Variants in RPS29 observed in about 807,000 individuals in gnomAD.
The protein encoded by RPS29 is small ribosomal subunit protein uS14.
For synonymous variants in RPS29, 37 were observed against 26.9 expected (o/e 1.37, Z -1.16); for missense variants, 60 against 75.7 (o/e 0.79, Z 0.77).
At chr14:49,591,982 G>A (rs1031147994) in intron 1 of RPS29, among the ~76,000 whole-genome samples, 20 of 152,090 alleles carry the variant, frequency 1.3e-4, no homozygotes, top group Admixed American at 3.3e-4. Context: ...GAGACAGAGC[G>A]TATTTTCCTA....
chr14:49,578,595 C>G (rs1174665455), downstream of RPS29, among the ~76,000 whole-genome samples: 2 of 113,106 alleles, frequency 1.8e-5, no homozygotes, highest in Non-Finnish European at 3.4e-5. Context: ...GGGTCTCACT[C>G]TGTCTCCCAG....
chr14:49,578,540 A>G (rs1317452875), intron 2 of RPS29, among the ~76,000 whole-genome samples: 4 of 144,492 alleles, frequency 2.8e-5, no homozygotes, highest in Non-Finnish European at 4.5e-5. Context: ...TAGACTACCA[A>G]TATTTACCAA....
In RPS29 at chr14:49,583,608, G is replaced by A; in HGVS notation, c.*59C>T. 1 of 1,559,864 alleles carries A rather than the reference G, an allele frequency of 6.4e-7. No individual in the cohort carries two copies. The highest frequency in any genetic ancestry group is 8.7e-7 in the Non-Finnish European group (1 of 1,154,512). On this transcript the variant is annotated 3_prime_UTR_variant, in exon 3 of 3. Transcript: ENST00000245458. ...TTCAAATGTTTATTTTATATACAAA[G>A]AATTATCATGGTTTTTCATTGAGTA...
exon 1 of RPS29, chr14:49,598,597 G>A (rs1881895132): frequency 4.3e-6 from 3 of 701,764 alleles, no homozygotes; most frequent in African/African-American, 1.7e-5. Flanking sequence ...GTAACGCAGA[G>A]GCACACCTGC....
chr14:49,587,687 C>T (rs796250077), upstream of RPS29, among the ~76,000 whole-genome samples: 4 of 152,354 alleles, frequency 2.6e-5, no homozygotes, highest in East Asian at 5.8e-4. Flanking sequence ...AAGACTTCAA[C>T]ATACAACGTT....
At chr14:49,593,039 ATT>A (rs1454841368) in intron 1 of RPS29, among the ~76,000 whole-genome samples, 1 of 152,176 alleles carries the variant, frequency 6.6e-6, no homozygotes, top group East Asian at 1.9e-4. Context: ...ACCACCTAAA[ATT>A]TATGTCACTG....
Position 49,598,500 on chromosome 14 carries a change from C to A in RPS29, c.-233G>T, listed in dbSNP as rs563268931. The A allele has an allele frequency of 4.6e-5, 32 of 702,422 alleles. No homozygotes were observed. In the Admixed American group the frequency reaches 5.6e-4, roughly 12 times the overall value. The allele number at this position is 702,422 out of a possible 1,614,324, so 43.5% of individuals were successfully genotyped here. A position where few individuals can be genotyped will look rare whatever the true frequency, so the allele number is the denominator to read the frequency against. ...CAGGTGTGCCTCCGGAGAGCAGCCA[C>A]CAAAACCACCAGCAGCCCGTCCGCG... On this transcript the variant is annotated 5_prime_UTR_variant, in exon 1 of 4. Coordinates refer to the RPS29 transcript ENST00000556230.
intron 1 of RPS29, chr14:49,598,258 C>G (rs1881881266): frequency 1.7e-6 from 1 of 593,574 alleles, no homozygotes; most frequent in South Asian, 2.0e-5. Context: ...AACATTTGCT[C>G]CCCAGGCGCT....
At chr14:49,593,686 C>CT (rs2139522063) in intron 1 of RPS29, among the ~76,000 whole-genome samples, 1 of 44,616 alleles carries the variant, frequency 2.2e-5, no homozygotes, top group African/African-American at 7.5e-5. Context: ...GAGCAAGACT[C>CT]TGTCTCAAAA....
chr14:49,582,723 T>C (rs76004837), downstream of RPS29, among the ~76,000 whole-genome samples: 29 of 152,346 alleles, frequency 1.9e-4, 1 homozygote, highest in East Asian at 5.4e-3. Flanking sequence ...GCACAGGGTA[T>C]ACCCTAACAA....
At chr14:49,577,942 G>T in intron 2 of RPS29, 1 of 881,154 alleles carries the variant, frequency 1.1e-6, no homozygotes, top group Admixed American at 2.1e-5. Context: ...CCTGCCCTGT[G>T]AAACATGTTA....
chr14:49,591,361 G>A (rs901037244), upstream of RPS29, among the ~76,000 whole-genome samples: 7 of 152,024 alleles, frequency 4.6e-5, no homozygotes, highest in Non-Finnish European at 1.0e-4. Flanking sequence ...GAGGGCAATG[G>A]TGCAGTGCAA....
At chr14:49,593,476 G>A (rs1176015472) in intron 1 of RPS29, among the ~76,000 whole-genome samples, 1 of 152,088 alleles carries the variant, frequency 6.6e-6, no homozygotes, top group Non-Finnish European at 1.5e-5. Flanking sequence ...GGCCAAGGTA[G>A]GTGGATCACC....
chr14:49,586,391 A>T (rs762488368), upstream of RPS29: 1 of 1,545,116 alleles, frequency 6.5e-7, no homozygotes, highest in Admixed American at 1.7e-5. Context: ...AAGCTGGCCC[A>T]CGCATGCGCT....
At chr14:49,588,973 G>A (rs1276855271), upstream of RPS29, among the ~76,000 whole-genome samples, 3 of 133,948 alleles carry the variant, frequency 2.2e-5, no homozygotes, top group South Asian at 2.7e-4. Flanking sequence ...CCCACTGCAA[G>A]CTCCGCCTCC....
upstream of RPS29, chr14:49,586,599 G>A (rs997244808): frequency 5.7e-6 from 3 of 522,518 alleles, no homozygotes; most frequent in South Asian, 2.1e-5. Flanking sequence ...GGTGGCGCGT[G>A]CCTGTAGTCC....
exon 3 of RPS29, chr14:49,574,412 A>G (rs1192859682): frequency 1.3e-5 from 2 of 152,330 alleles, no homozygotes; most frequent in South Asian, 2.1e-4. Flanking sequence ...CCTAAACTAT[A>G]TACAGTAAGA....
At chr14:49,597,488 A>G (rs1469795288) in intron 1 of RPS29, 1 of 152,148 alleles carries the variant, frequency 6.6e-6, no homozygotes, top group Non-Finnish European at 1.5e-5. Flanking sequence ...TCTTTTCTAC[A>G]TTATTACCCT....
exon 3 of RPS29, chr14:49,574,896 G>C (rs1881138417): frequency 1.3e-5 from 2 of 152,240 alleles, no homozygotes; most frequent in Non-Finnish European, 2.9e-5. Flanking sequence ...TTTAGGCTTA[G>C]AGCACAGCTT....
Sources: gnomAD v4.1 joint callset for allele counts (sites outside exome capture counted in the v4.1 genomes callset) on GRCh38, gnomAD v4.1.1 for gene constraint, MANE v1.5 for transcripts, NCBI Gene and HGNC (gene_info 2026-07-23, HGNC 2026-07-21) for gene names.